The following UNC13C variants were observed in gnomAD, a reference collection of about 807,000 sequenced individuals.
The protein encoded by UNC13C is unc-13 homolog C, also known as protein unc-13 homolog C.
A neutral mutation model predicts 245.4 loss-of-function variants in UNC13C; 174 were observed. The ratio of observed to expected loss-of-function variants is 0.71; its 90% CI spans 0.63 to 0.80. UNC13C has a LOEUF of 0.80. Ranked by LOEUF, UNC13C falls within the 30% of genes least tolerant of loss-of-function variation. The pLI is 0.00. For missense variants in UNC13C, 2,829 were observed against 2,602.9 expected (o/e 1.09, Z -1.89); for synonymous variants, 992 against 895.1 (o/e 1.11, Z -1.93).
intron 19 of UNC13C, among the ~76,000 whole-genome samples, chr15:54,466,190 G>A (rs1201686202): frequency 2.0e-5 from 3 of 151,966 alleles, no homozygotes; most frequent in African/African-American, 7.2e-5. Flanking sequence ...GGTTGCAAAG[G>A]TGGGGAAAGA....
At chr15:54,487,396 A>T (rs1216753174) in intron 19 of UNC13C, among the ~76,000 whole-genome samples, 1 of 152,128 alleles carries the variant, frequency 6.6e-6, no homozygotes, top group Non-Finnish European at 1.5e-5. Context: ...CATGAAAGAA[A>T]CTTCTATATC....
intron 2 of UNC13C, among the ~76,000 whole-genome samples, chr15:54,071,204 T>G (rs1055285786): frequency 1.5e-4 from 23 of 152,182 alleles, no homozygotes; most frequent in African/African-American, 5.5e-4. Context: ...AAAAAAAATT[T>G]GTAAACTTGT....
intron 17 of UNC13C, among the ~76,000 whole-genome samples, chr15:54,358,330 G>A (rs2039145363): frequency 6.6e-6 from 1 of 152,124 alleles, no homozygotes; most frequent in Admixed American, 6.5e-5. Flanking sequence ...CAAATTTTAG[G>A]ATTGGTTTTT....
chr15:54,325,281 TAC>T (rs150031067), intron 14 of UNC13C, among the ~76,000 whole-genome samples: 2,347 of 151,832 alleles, frequency 0.015, 69 homozygotes, highest in African/African-American at 0.054. Flanking sequence ...TACACACACT[TAC>T]ACACACACAT....
At chr15:54,404,222 A>G (rs556104129) in intron 18 of UNC13C, among the ~76,000 whole-genome samples, 200 of 152,312 alleles carry the variant, frequency 1.3e-3, no homozygotes, top group African/African-American at 4.6e-3. Context: ...TAATTAACCT[A>G]CTTTTCTTCA....
In UNC13C at chr15:54,047,749, C is replaced by T. The variant is rs182888899; in HGVS notation, c.2983+31863C>T. Reference sequence around the variant, plus strand: ...TTTTTAAACATTTGCGCAAATCCATCCTCAAGTATTTTTGTTCTATAAATA... The same window carrying T: ...TTTTTAAACATTTGCGCAAATCCATTCTCAAGTATTTTTGTTCTATAAATA... On this transcript the variant is annotated intron_variant, in intron 2 of 32. Transcript: ENST00000260323. Among the ~76,000 whole-genome samples, 100 of 152,190 alleles carry T rather than the reference C, an allele frequency of 6.6e-4. 2 individuals carry two copies. The highest frequency in any genetic ancestry group is 2.0e-3 in the African/African-American group (83 of 41,550).
intron 17 of UNC13C, among the ~76,000 whole-genome samples, chr15:54,387,533 T>C (rs924467068): frequency 1.3e-5 from 2 of 152,106 alleles, no homozygotes; most frequent in African/African-American, 4.8e-5. Flanking sequence ...ACATCCTGTT[T>C]TGATCAGTGG....
the UNC13C span, among the ~76,000 whole-genome samples, chr15:53,946,325 A>G: frequency 6.6e-6 from 1 of 151,868 alleles, no homozygotes; most frequent in African/African-American, 2.4e-5. Flanking sequence ...TTTCAAGGGG[A>G]ATGCTTCCAG....
chr15:53,996,814 T>C (rs1413436832), intron 1 of UNC13C, among the ~76,000 whole-genome samples: 2 of 148,528 alleles, frequency 1.3e-5, no homozygotes, highest in Non-Finnish European at 3.0e-5. Context: ...ATAATTTGTA[T>C]ATTCATTCTC....
At chr15:54,129,359 A>G (rs2031266004) in intron 2 of UNC13C, among the ~76,000 whole-genome samples, 1 of 152,102 alleles carries the variant, frequency 6.6e-6, no homozygotes, top group Admixed American at 6.5e-5. Flanking sequence ...TTCTTTTCTG[A>G]TTTCAGTATC....
upstream of UNC13C, among the ~76,000 whole-genome samples, chr15:53,976,475 CTCTTTTTTTT>C (rs1433814939): frequency 7.8e-5 from 5 of 63,734 alleles, no homozygotes; most frequent in South Asian, 4.1e-3. Flanking sequence ...CTCTCTCTCT[CTCTTTTTTTT>C]TTTTTTTTTT....
chr15:53,970,165 G>A, the UNC13C span, among the ~76,000 whole-genome samples: 2 of 151,830 alleles, frequency 1.3e-5, no homozygotes, highest in South Asian at 2.1e-4. Flanking sequence ...TGCCTCCCCG[G>A]TTCAAGCAAT....
chr15:54,524,630 C>T (rs1341137370), intron 24 of UNC13C, among the ~76,000 whole-genome samples: 1 of 152,112 alleles, frequency 6.6e-6, no homozygotes, highest in South Asian at 2.1e-4. Context: ...CCAATGCACC[C>T]TCATAGGGAT....
At chr15:54,393,996 G>A (rs1421750576) in intron 18 of UNC13C, among the ~76,000 whole-genome samples, 1 of 151,840 alleles carries the variant, frequency 6.6e-6, no homozygotes, top group African/African-American at 2.4e-5. Context: ...ATATTAGTTA[G>A]ACCTGAAATG....
intron 2 of UNC13C, among the ~76,000 whole-genome samples, chr15:54,124,226 T>C (rs2030878706): frequency 6.6e-6 from 1 of 152,204 alleles, no homozygotes; most frequent in Non-Finnish European, 1.5e-5. Context: ...GTGTAATGGC[T>C]TGTTGAATTA....
chr15:54,374,975 T>A (rs919650087), intron 17 of UNC13C, among the ~76,000 whole-genome samples: 2 of 152,366 alleles, frequency 1.3e-5, no homozygotes, highest in Admixed American at 6.5e-5. Flanking sequence ...AACCACAGTT[T>A]ACTAATATAT....
At chr15:54,414,953 A>G (rs1163872245) in intron 18 of UNC13C, 29 bp from the exon 19 acceptor site, 27 of 1,579,080 alleles carry the variant, frequency 1.7e-5, no homozygotes, top group Non-Finnish European at 2.2e-5. Flanking sequence ...TTTCTTCTTC[A>G]TACACTAATA....
In UNC13C at chr15:54,015,073, C is replaced by T. The variant is rs967962794; in HGVS notation, c.2170C>T (p.Pro724Ser). Residue 724 changes from proline to serine, a missense_variant, in exon 2 of 33, where the codon CCT becomes TCT. Physicochemically the swap from Pro to Ser is moderately conservative, Grantham distance 74. Coordinates refer to ENST00000260323, the MANE Select transcript of UNC13C (RefSeq NM_001080534.3). ...LTQDDNSSPC[P>S]GLDNEPQGQW... ...TCAAGATGACAATTCTTCTCCATGCCCTGGCTTGGATAATGAACCACAAGG... is the reference window on the plus strand; with the variant it reads ...TCAAGATGACAATTCTTCTCCATGCTCTGGCTTGGATAATGAACCACAAGG... 3.1e-6 allele frequency: 5 copies of T among 1,612,682 alleles called. No homozygotes were observed. The highest frequency in any genetic ancestry group is 1.1e-5 in the South Asian group (1 of 90,864).
At chr15:54,560,553 T>C (rs1897261113) in intron 29 of UNC13C, among the ~76,000 whole-genome samples, 1 of 151,966 alleles carries the variant, frequency 6.6e-6, no homozygotes, top group Admixed American at 6.6e-5. Context: ...TGATACTTCA[T>C]ATATAGCTCC....
Sources: gnomAD v4.1 joint callset for allele counts (sites outside exome capture counted in the v4.1 genomes callset) on GRCh38, gnomAD v4.1.1 for gene constraint, MANE v1.5 for transcripts, NCBI Gene and HGNC (gene_info 2026-07-23, HGNC 2026-07-21) for gene names.